LDB3: variants seen among roughly 807,000 people sequenced by gnomAD.
The protein encoded by LDB3 is LIM domain binding 3.
In LDB3, 49 loss-of-function variants were observed where a neutral mutation model predicts 69.0. The observed-to-expected ratio is 0.71, with a 90% CI of 0.56 to 0.90. LDB3 has a LOEUF of 0.90. Among genes scored for constraint, LDB3 ranks in the 40% least tolerant of loss-of-function variants. The pLI is 0.00. For missense variants in LDB3, 928 were observed against 974.1 expected (o/e 0.95, Z 0.63); for synonymous variants, 387 against 396.2 (o/e 0.98, Z 0.28).
intron 7 of LDB3, among the ~76,000 whole-genome samples, chr10:86,705,329 C>T (rs1016484571): frequency 6.6e-6 from 1 of 152,224 alleles, no homozygotes; most frequent in Non-Finnish European, 1.5e-5. Context: ...GTAAAGACAT[C>T]ATTCCTGGCA....
Position 86,708,344 on chromosome 10 carries a change from G to A in LDB3, c.1086-1561G>A, listed in dbSNP as rs571924638. On this transcript the variant is annotated intron_variant, in intron 8 of 13. Transcript: ENST00000361373. ...CCTCACACATGGGCTGGGGTGGAGC[G>A]GGAGGTGGGGGAGCCCATGGGAGGC... Among the ~76,000 whole-genome samples, 4 of 152,334 alleles carry A rather than the reference G, an allele frequency of 2.6e-5. No individual in the cohort carries two copies. In the South Asian group the frequency reaches 6.2e-4, roughly 24 times the overall value.
intron 13 of LDB3, among the ~76,000 whole-genome samples, chr10:86,730,056 C>T (rs1385017568): frequency 6.6e-6 from 1 of 152,120 alleles, no homozygotes; most frequent in African/African-American, 2.4e-5. Flanking sequence ...TCACTGCATC[C>T]ACCTGGGATG....
intron 2 of LDB3, among the ~76,000 whole-genome samples, chr10:86,678,650 T>G (rs548929674): frequency 9.8e-4 from 148 of 151,520 alleles, no homozygotes; most frequent in Non-Finnish European, 1.8e-3. Context: ...TGCCTGCAAA[T>G]TTTTAAGAGA....
intron 2 of LDB3, among the ~76,000 whole-genome samples, chr10:86,676,233 A>G (rs12241060): frequency 0.044 from 6,622 of 152,180 alleles, 433 homozygotes; most frequent in African/African-American, 0.15. Context: ...GGGCAGGGGA[A>G]GGGGCGCTGT....
intron 5 of LDB3, among the ~76,000 whole-genome samples, chr10:86,683,710 G>A (rs183706172): frequency 1.3e-5 from 2 of 152,354 alleles, no homozygotes; most frequent in East Asian, 3.9e-4. Flanking sequence ...AATGCCGGCA[G>A]GAAGGGCTGG....
chr10:86,732,714 G>A (rs1194759949), intron 13 of LDB3, 173 bp from the exon 14 acceptor site: 5 of 610,482 alleles, frequency 8.2e-6, no homozygotes, highest in Non-Finnish European at 1.5e-5. Context: ...ATGTTGGCCA[G>A]GCTGGTCTTG....
At chr10:86,706,293 A>G (rs1846438893) in intron 7 of LDB3, among the ~76,000 whole-genome samples, 2 of 152,158 alleles carry the variant, frequency 1.3e-5, no homozygotes, top group African/African-American at 4.8e-5. Flanking sequence ...CCAGGATTGA[A>G]AAAGTTTTTG....
In LDB3 at chr10:86,709,886, C is replaced by G. The variant is rs1342848916; in HGVS notation, c.1086-19C>G. On this transcript the variant is annotated intron_variant, in intron 8 of 13. Transcript: ENST00000361373. ...GGGGGCTGTCCTTCTGGGTGTAACC[C>G]CTCCCCGCTTGGTTCCAGGCCCCAG... 1.9e-6 allele frequency: 3 copies of G among 1,606,618 alleles called. No homozygotes were observed. The highest frequency in any genetic ancestry group is 2.5e-6 in the Non-Finnish European group (3 of 1,179,916).
chr10:86,683,880 T>C (rs906610111), intron 5 of LDB3, among the ~76,000 whole-genome samples: 2 of 152,270 alleles, frequency 1.3e-5, no homozygotes, highest in African/African-American at 4.8e-5. Context: ...CCGTTCAGTC[T>C]GCACAACCCA....
At chr10:86,680,189 C>G in intron 4 of LDB3, 32 bp downstream of exon 4, 1 of 1,597,420 alleles carries the variant, frequency 6.3e-7, no homozygotes, top group Non-Finnish European at 8.6e-7. Flanking sequence ...GGGGTCCACT[C>G]AGCCCTGGTT....
chr10:86,708,531 G>A (rs994522717), intron 8 of LDB3, among the ~76,000 whole-genome samples: 7 of 152,268 alleles, frequency 4.6e-5, no homozygotes, highest in Middle Eastern at 3.4e-3. Flanking sequence ...TAAGACCACT[G>A]CACCTTGGCC....
At chr10:86,708,221 A>T (rs1846516179) in intron 8 of LDB3, among the ~76,000 whole-genome samples, 3 of 152,270 alleles carry the variant, frequency 2.0e-5, no homozygotes, top group South Asian at 4.2e-4. Context: ...ACCTGGGTGG[A>T]GCTTGGAGAG....
At chr10:86,676,263 T>C (rs1478400090) in intron 2 of LDB3, among the ~76,000 whole-genome samples, 1 of 152,130 alleles carries the variant, frequency 6.6e-6, no homozygotes, top group Non-Finnish European at 1.5e-5. Context: ...GTGGCCAGTA[T>C]TTTAAGAGGG....
At chr10:86,700,915 G>A (rs780012917) in intron 7 of LDB3, among the ~76,000 whole-genome samples, 40 of 152,234 alleles carry the variant, frequency 2.6e-4, no homozygotes, top group African/African-American at 8.9e-4. Flanking sequence ...AGATGCTGAG[G>A]CCCAGCCCTC....
intron 2 of LDB3, among the ~76,000 whole-genome samples, chr10:86,676,652 G>T (rs1250866309): frequency 6.6e-6 from 1 of 152,180 alleles, no homozygotes; most frequent in Non-Finnish European, 1.5e-5. Context: ...AATTGGAGAG[G>T]GCTGTCCTGG....
intron 9 of LDB3, among the ~76,000 whole-genome samples, chr10:86,712,277 G>C (rs1353352285): frequency 2.0e-5 from 3 of 152,230 alleles, no homozygotes; most frequent in Non-Finnish European, 4.4e-5. Flanking sequence ...TGTTGTGGGG[G>C]CTGGAAAAGA....
intron 2 of LDB3, among the ~76,000 whole-genome samples, chr10:86,669,131 A>C (rs1844321094): frequency 1.3e-5 from 2 of 152,110 alleles, no homozygotes; most frequent in South Asian, 4.1e-4. Context: ...GGGTGCCCCC[A>C]AGCCTTGAGC....
chr10:86,713,928 C>T (rs1418520354), intron 9 of LDB3, among the ~76,000 whole-genome samples: 1 of 152,118 alleles, frequency 6.6e-6, no homozygotes, highest in African/African-American at 2.4e-5. Context: ...TCCCTCCTCT[C>T]CCCCAACCCT....
At chr10:86,726,451 A>G in intron 13 of LDB3, 199 bp downstream of exon 13, 4 of 610,770 alleles carry the variant, frequency 6.5e-6, no homozygotes, top group Non-Finnish European at 8.9e-6. Context: ...TTATAAACCA[A>G]TGTGGCTTTG....
Sources: allele counts gnomAD v4.1 joint callset (sites outside exome capture counted in the v4.1 genomes callset), GRCh38; gene constraint gnomAD v4.1.1; transcripts MANE v1.5; gene names NCBI Gene and HGNC (gene_info 2026-07-23, HGNC 2026-07-21).